Variants in ABCA1 observed in about 807,000 individuals in gnomAD.
ABCA1 encodes ATP binding cassette subfamily A member 1.
ABCA1 carries 133 observed loss-of-function variants against 262.5 expected under a neutral mutation model. The observed-to-expected ratio is 0.51, with a 90% CI of 0.44 to 0.59. The LOEUF is 0.59. Among genes scored for constraint, ABCA1 ranks in the 20% least tolerant of loss-of-function variants. ABCA1 has a pLI of 0.00. For synonymous variants in ABCA1, 1,022 were observed against 1,043.5 expected (o/e 0.98, Z 0.40); for missense variants, 2,452 against 2,777.5 (o/e 0.88, Z 2.63).
At chr9:104,867,294 T>C (rs1431759984) in intron 5 of ABCA1, among the ~76,000 whole-genome samples, 4 of 152,168 alleles carry the variant, frequency 2.6e-5, no homozygotes, top group South Asian at 2.1e-4. Flanking sequence ...ATCCACCTCA[T>C]TGGACTGAGC....
At chr9:104,908,735 A>G (rs1841322281) in intron 1 of ABCA1, among the ~76,000 whole-genome samples, 1 of 152,246 alleles carries the variant, frequency 6.6e-6, no homozygotes, top group South Asian at 2.1e-4. Flanking sequence ...ACATGCGACA[A>G]CCTGGATGAA....
chr9:104,855,557 A>T, intron 7 of ABCA1: 5 of 1,058,590 alleles, frequency 4.7e-6, no homozygotes, highest in Non-Finnish European at 6.5e-6. Context: ...TCTACTACTC[A>T]TGTCAATTAA....
chr9:104,866,968 T>A (rs1419247037), intron 5 of ABCA1, among the ~76,000 whole-genome samples: 1 of 152,170 alleles, frequency 6.6e-6, no homozygotes, highest in African/African-American at 2.4e-5. Flanking sequence ...ATTGGATGAA[T>A]GAATGAATAG....
At chr9:104,843,366 T>A (rs1274041328) in intron 8 of ABCA1, among the ~76,000 whole-genome samples, 1 of 152,222 alleles carries the variant, frequency 6.6e-6, no homozygotes. Flanking sequence ...AGGTCAGCTT[T>A]CATTCATCTT....
chr9:104,900,469 T>G (rs1235817070), intron 2 of ABCA1, among the ~76,000 whole-genome samples: 1 of 152,174 alleles, frequency 6.6e-6, no homozygotes, highest in Non-Finnish European at 1.5e-5. Context: ...CTTCTTCCCC[T>G]ACCTAATGGG....
At chr9:104,821,298 A>G (rs1314230230) in intron 20 of ABCA1, 77 bp downstream of exon 20, 2 of 1,569,882 alleles carry the variant, frequency 1.3e-6, no homozygotes, top group Non-Finnish European at 1.7e-6. Context: ...AAAATGCTTA[A>G]GTCCCACTCC....
chr9:104,927,019 C>G (rs183899548), intron 1 of ABCA1, among the ~76,000 whole-genome samples: 2 of 152,200 alleles, frequency 1.3e-5, no homozygotes, highest in East Asian at 3.9e-4. Context: ...CGAGACCAGC[C>G]TGGCCAACAA....
intron 2 of ABCA1, among the ~76,000 whole-genome samples, chr9:104,894,834 A>G (rs1840062336): frequency 6.6e-6 from 1 of 152,246 alleles, no homozygotes; most frequent in Non-Finnish European, 1.5e-5. Flanking sequence ...AGAACTCATG[A>G]GAGACAAAAT....
rs745615655 is a variant in ABCA1, at chr9:104,832,585, G to A, written c.1498C>T (p.Arg500Cys). Residue 500 changes from arginine (R) to cysteine (C), a missense_variant, in exon 12 of 50, where the codon CGC becomes TGC. By Grantham distance (180) the Arg-to-Cys change is radical. Transcript: ENST00000374736. The part of the protein sequence containing the change: ...ETNQAIRTIS[R>C]FMECVNLNKL... ...AGCAACAGATTCACCTCCATGAAGC[G>A]AGATATGGTCCGGATTGCCTGGTTA... 7 of 1,614,032 alleles carry A rather than the reference G, an allele frequency of 4.3e-6. No homozygotes were observed. The highest frequency in any genetic ancestry group is 4.0e-5 in the African/African-American group (3 of 74,920).
At chr9:104,848,969 A>G (rs1299332617) in intron 7 of ABCA1, among the ~76,000 whole-genome samples, 2 of 152,004 alleles carry the variant, frequency 1.3e-5, no homozygotes, top group African/African-American at 4.8e-5. Context: ...AAAACCCCAA[A>G]CCCAACATTC....
At chr9:104,917,604 A>C (rs1841921758) in intron 1 of ABCA1, among the ~76,000 whole-genome samples, 1 of 152,128 alleles carries the variant, frequency 6.6e-6, no homozygotes, top group Admixed American at 6.5e-5. Flanking sequence ...AAATACAAAA[A>C]TTAGCCGGGT....
chr9:104,802,152 C>T lies in ABCA1; in HGVS notation c.4600G>A (p.Gly1534Ser), dbSNP rs1830393279. 4 of 1,614,080 alleles carry T rather than the reference C, an allele frequency of 2.5e-6. No individual in the cohort carries two copies. The highest frequency in any genetic ancestry group is 1.1e-5 in the South Asian group (1 of 91,076). ...KIWVNEFRYG[G>S]FSLGVSNTQA... is the part of the protein sequence containing the mutation. ...GTATTACTGACACCCAGGGAAAAGC[C>T]GCCATACCTAAAAGAACAGCCTGAC... The change falls in exon 34 of 50, where the codon GGC (glycine) becomes AGC (serine). Residue 1534 changes from glycine (G) to serine (S), a missense_variant. Physicochemically the swap from Gly to Ser is moderately conservative, Grantham distance 56 (BLOSUM62 0). Coordinates refer to ENST00000374736, the MANE Select transcript of ABCA1 (RefSeq NM_005502.4).
chr9:104,798,158 T>C (rs891360069), intron 37 of ABCA1, among the ~76,000 whole-genome samples: 1 of 152,230 alleles, frequency 6.6e-6, no homozygotes, highest in African/African-American at 2.4e-5. Flanking sequence ...TTGGGAAAGT[T>C]GTCACATAGG....
intron 5 of ABCA1, among the ~76,000 whole-genome samples, chr9:104,872,812 A>G (rs1837740667): frequency 6.6e-6 from 1 of 152,228 alleles, no homozygotes; most frequent in African/African-American, 2.4e-5. Context: ...AAAGCAGGAG[A>G]CACGCAACAC....
chr9:104,792,089 A>C, intron 42 of ABCA1, 91 bp from the exon 43 acceptor site: 1 of 1,120,526 alleles, frequency 8.9e-7, no homozygotes, highest in Non-Finnish European at 1.3e-6. Context: ...AACCACATAC[A>C]CTGCAACATA....
At chr9:104,899,619 G>A (rs531712341) in intron 2 of ABCA1, among the ~76,000 whole-genome samples, 169 of 152,108 alleles carry the variant, frequency 1.1e-3, no homozygotes, top group Non-Finnish European at 2.0e-3. Context: ...GCTTGATCCC[G>A]GGAGGCAGAG....
chr9:104,785,669 G>A (rs762800001), intron 48 of ABCA1, 30 bp from the exon 49 acceptor site: 6 of 1,612,888 alleles, frequency 3.7e-6, no homozygotes, highest in Non-Finnish European at 5.1e-6. Flanking sequence ...CCCAAATGGA[G>A]GATCTCCAGA....
intron 32 of ABCA1, 81 bp from the exon 33 acceptor site, chr9:104,803,397 AC>A: frequency 7.5e-7 from 1 of 1,331,106 alleles, no homozygotes; most frequent in Admixed American, 1.7e-5. Context: ...GTAAATATCC[AC>A]CTGAGGATAT....
chr9:104,790,001 C>T (rs992713141), intron 44 of ABCA1, among the ~76,000 whole-genome samples: 1 of 151,816 alleles, frequency 6.6e-6, no homozygotes, highest in African/African-American at 2.4e-5. Flanking sequence ...GAGGCTGAGG[C>T]AGGAGAATCG....
Sources: allele counts gnomAD v4.1 joint callset (sites outside exome capture counted in the v4.1 genomes callset), GRCh38; gene constraint gnomAD v4.1.1; transcripts MANE v1.5; gene names NCBI Gene and HGNC (gene_info 2026-07-23, HGNC 2026-07-21).